Variants in ADAMTS17 observed in about 807,000 individuals in gnomAD.
ADAMTS17 encodes ADAM metallopeptidase with thrombospondin type 1 motif 17.
A neutral mutation model predicts 141.5 loss-of-function variants in ADAMTS17; 113 were observed. The ratio of observed to expected loss-of-function variants is 0.80; its 90% CI spans 0.69 to 0.93. The LOEUF (loss-of-function observed/expected upper bound fraction) is 0.93. Ranked by LOEUF, ADAMTS17 falls within the 40% of genes least tolerant of loss-of-function variation. The probability of loss-of-function intolerance (pLI) is 0.00; values close to 1 mark genes in which losing one functional copy is unlikely to be tolerated. For synonymous variants in ADAMTS17, 768 were observed against 630.6 expected (o/e 1.22, Z -3.27); for missense variants, 1,659 against 1,517.9 (o/e 1.09, Z -1.54).
At chr15:100,109,568 G>C (rs2036620812) in intron 13 of ADAMTS17, among the ~76,000 whole-genome samples, 1 of 152,146 alleles carries the variant, frequency 6.6e-6, no homozygotes, top group South Asian at 2.1e-4. Flanking sequence ...GCTTTGGTAA[G>C]AGCTTCAGTG....
At chr15:100,214,812 C>T (rs758569690) in intron 7 of ADAMTS17, among the ~76,000 whole-genome samples, 35 of 152,296 alleles carry the variant, frequency 2.3e-4, no homozygotes, top group Non-Finnish European at 4.0e-4. Context: ...TACGCACAAG[C>T]GACACGGCAC....
At chr15:100,248,131 C>T (rs1801959494) in intron 7 of ADAMTS17, among the ~76,000 whole-genome samples, 2 of 152,206 alleles carry the variant, frequency 1.3e-5, no homozygotes, top group Non-Finnish European at 2.9e-5. Flanking sequence ...GGCCTTCAGC[C>T]TGCAACGGTG....
chr15:100,087,354 C>T (rs35387197), intron 15 of ADAMTS17, among the ~76,000 whole-genome samples: 49,874 of 151,932 alleles, frequency 0.33, 10,491 homozygotes, highest in East Asian at 0.59. Context: ...TAATAGCTTA[C>T]CAACCAAAAA....
intron 12 of ADAMTS17, chr15:100,129,166 A>G (rs1231268117): frequency 6.6e-6 from 1 of 152,174 alleles, no homozygotes; most frequent in African/African-American, 2.4e-5. Flanking sequence ...CTGTTATGAG[A>G]TAAGACACGT....
At chr15:100,097,471 C>T (rs1038671384) in intron 14 of ADAMTS17, among the ~76,000 whole-genome samples, 4 of 152,208 alleles carry the variant, frequency 2.6e-5, no homozygotes, top group African/African-American at 9.6e-5. Flanking sequence ...ACCGTGCTTC[C>T]CCCTCACAGG....
intron 10 of ADAMTS17, among the ~76,000 whole-genome samples, chr15:100,150,739 T>C (rs1471224862): frequency 6.6e-6 from 1 of 152,186 alleles, no homozygotes; most frequent in African/African-American, 2.4e-5. Context: ...TCACTGGCCC[T>C]GCGGAGGACT....
chr15:100,271,582 AT>A (rs2043913664), intron 4 of ADAMTS17, among the ~76,000 whole-genome samples: 2 of 70,280 alleles, frequency 2.8e-5, no homozygotes, highest in Admixed American at 3.7e-4. Context: ...TTTAAATTGA[AT>A]TGTTTTTTTT....
rs1466939206 is a variant in ADAMTS17, at chr15:100,053,897, C to T, written c.2295G>A (p.Met765Ile). 6.2e-7 allele frequency: 1 copy of T among 1,614,040 alleles called. No homozygotes were observed. The highest frequency in any genetic ancestry group is 8.5e-7 in the Non-Finnish European group (1 of 1,180,036). ...KGPTKLPLHL[M>I]VLLFHDQDYG... The stretch of plus-strand genomic sequence containing the variant: ...CAAGTGTGGAAGCCCAGCAAGTTAC[C>T]ATCAAGTGCAGCGGTAGTTTGGTTG... The change falls in exon 16 of 22, where the codon ATG becomes ATA. Residue 765 changes from methionine to isoleucine, a missense_variant and splice_region_variant. By Grantham distance (10) the Met-to-Ile change is conservative. Coordinates refer to ENST00000268070, the MANE Select transcript of ADAMTS17 (RefSeq NM_139057.4).
chr15:100,312,372 G>A (rs570450884), intron 3 of ADAMTS17, among the ~76,000 whole-genome samples: 10 of 152,186 alleles, frequency 6.6e-5, no homozygotes, highest in Non-Finnish European at 1.5e-4. Flanking sequence ...TCTGGGAGCT[G>A]GAAAAAATGA....
intron 18 of ADAMTS17, among the ~76,000 whole-genome samples, chr15:100,023,907 C>T (rs1372501420): frequency 1.3e-5 from 2 of 152,194 alleles, no homozygotes; most frequent in Non-Finnish European, 2.9e-5. Flanking sequence ...AATTCATGCA[C>T]ATTGTAGAAA....
chr15:100,065,167 G>A (rs1319510780), intron 15 of ADAMTS17, among the ~76,000 whole-genome samples: 1 of 152,150 alleles, frequency 6.6e-6, no homozygotes, highest in Non-Finnish European at 1.5e-5. Flanking sequence ...ACATCACAAT[G>A]AGAAAATTAC....
chr15:100,202,581 G>A (rs8035836), intron 7 of ADAMTS17, among the ~76,000 whole-genome samples: 42,336 of 152,124 alleles, frequency 0.28, 7,614 homozygotes, highest in East Asian at 0.61. Context: ...TGTGGGGGGA[G>A]TAAACAGTAA....
chr15:100,166,196 A>C (rs2039944614), intron 8 of ADAMTS17, among the ~76,000 whole-genome samples: 1 of 152,210 alleles, frequency 6.6e-6, no homozygotes, highest in Admixed American at 6.5e-5. Context: ...TGAAACCGTG[A>C]ATAAGATCTG....
chr15:100,235,274 C>T (rs138691293), intron 7 of ADAMTS17, among the ~76,000 whole-genome samples: 56 of 152,304 alleles, frequency 3.7e-4, no homozygotes, highest in African/African-American at 1.3e-3. Context: ...GTCAGTAGGG[C>T]TGGTGGCAGG....
At chr15:100,234,784 T>C (rs969644237) in intron 7 of ADAMTS17, among the ~76,000 whole-genome samples, 1 of 152,084 alleles carries the variant, frequency 6.6e-6, no homozygotes, top group Non-Finnish European at 1.5e-5. Context: ...TTCCATTCCA[T>C]CAGCAGCTGA....
At chr15:100,110,702 G>A (rs145073650) in intron 13 of ADAMTS17, among the ~76,000 whole-genome samples, 2 of 152,274 alleles carry the variant, frequency 1.3e-5, no homozygotes, top group East Asian at 3.9e-4. Context: ...ACTTTGCACA[G>A]GGCGAGAGTC....
intron 12 of ADAMTS17, among the ~76,000 whole-genome samples, chr15:100,120,813 C>T (rs1567209138): frequency 6.6e-6 from 1 of 152,182 alleles, no homozygotes; most frequent in Non-Finnish European, 1.5e-5. Context: ...ATGAAAACAT[C>T]ACAAGGCATA....
At position 100,341,914 on chromosome 15, in the gene ADAMTS17, G is replaced by A. The variant is rs775497965; in HGVS notation, c.-15C>T. On this transcript the variant is annotated 5_prime_UTR_variant, in exon 1 of 22. Transcript: ENST00000268070. ...CCGTCACACATGGTACCCGGGACCG[G>A]CAGCCCCCCCGGACCGTGGCGGCGA... The A allele has an allele frequency of 1.3e-6, 2 of 1,544,990 alleles. No individual in the cohort carries two copies. The highest frequency in any genetic ancestry group is 1.7e-6 in the Non-Finnish European group (2 of 1,146,198).
At chr15:100,207,741 G>C (rs374405995) in intron 7 of ADAMTS17, among the ~76,000 whole-genome samples, 1 of 152,114 alleles carries the variant, frequency 6.6e-6, no homozygotes, top group Non-Finnish European at 1.5e-5. Context: ...TCCCTCAGTC[G>C]TTTGACAATG....
Sources: allele counts gnomAD v4.1 joint callset (sites outside exome capture counted in the v4.1 genomes callset), GRCh38; gene constraint gnomAD v4.1.1; transcripts MANE v1.5; gene names NCBI Gene and HGNC (gene_info 2026-07-23, HGNC 2026-07-21).